Variants in TLN2 observed in about 807,000 individuals in gnomAD.
TLN2 encodes the protein talin 2.
TLN2 carries 118 observed loss-of-function variants against 294.7 expected under a neutral mutation model. The ratio of observed to expected loss-of-function variants is 0.40; its 90% confidence interval spans 0.34 to 0.47. The LOEUF is 0.47. TLN2 is among the 20% of genes least tolerant of loss of function. The pLI is 0.84. For synonymous variants in TLN2, 1,431 were observed against 1,304.5 expected, an observed-to-expected ratio of 1.10 and a Z score of -2.09; for missense variants, 3,083 against 3,282.2, an observed-to-expected ratio of 0.94 and a Z score of 1.48.
At chr15:62,757,751 C>T (rs1163923705) in intron 37 of TLN2, among the ~76,000 whole-genome samples, 1 of 152,122 alleles carries the variant, frequency 6.6e-6, no homozygotes, top group East Asian at 1.9e-4. Context: ...TAAAGGCCTC[C>T]GTCTCCTGGC....
chr15:62,676,470 T>C (rs549524865), intron 11 of TLN2, among the ~76,000 whole-genome samples: 1 of 152,320 alleles, frequency 6.6e-6, no homozygotes, highest in South Asian at 2.1e-4. Context: ...TCAGTGAGTA[T>C]TTAAATGGCA....
At chr15:62,799,927 C>T (rs2065809007) in intron 48 of TLN2, among the ~76,000 whole-genome samples, 1 of 150,916 alleles carries the variant, frequency 6.6e-6, no homozygotes, top group Admixed American at 6.6e-5. Flanking sequence ...GACCTGTGTG[C>T]CTGTAGCAGA....
At chr15:62,696,902 T>C (rs560315820) in intron 14 of TLN2, among the ~76,000 whole-genome samples, 93 of 152,022 alleles carry the variant, frequency 6.1e-4, no homozygotes, top group Non-Finnish European at 1.2e-3. Flanking sequence ...TGTGGGAGAT[T>C]TTCCCCTAGC....
rs2062068738 is a variant in TLN2, at chr15:62,753,759, T to C, written c.4333-14T>C. On this transcript the variant is annotated splice_polypyrimidine_tract_variant and intron_variant, in intron 35 of 58. Transcript: ENST00000636159. ...CACGGAGCCTGAGCTGTGGTTTTTC[T>C]CTTCCCTTTCTAGGCTGCATACTTG... 1.3e-6 allele frequency: 2 copies of C among 1,593,096 alleles called. No homozygotes were observed. Among genetic ancestry groups the C allele is most frequent in the Non-Finnish European group, 1.7e-6 (2 of 1,169,068 alleles).
intron 50 of TLN2, among the ~76,000 whole-genome samples, chr15:62,801,769 G>A (rs545104205): frequency 6.6e-6 from 1 of 152,078 alleles, no homozygotes; most frequent in East Asian, 1.9e-4. Context: ...GCACAGGCTG[G>A]GTGTTTGCTA....
intron 4 of TLN2, among the ~76,000 whole-genome samples, chr15:62,648,737 C>T (rs1215802897): frequency 5.3e-5 from 8 of 151,746 alleles, no homozygotes; most frequent in Non-Finnish European, 7.4e-5. Context: ...TTAGTAGAGA[C>T]GGGGTTTCAC....
chr15:62,784,036 G>A lies in TLN2; in HGVS notation c.5736+146G>A, dbSNP rs998509849. ...TATTTCCCCACCACTGCACAGCACA[G>A]GTCCAGACCAGGTAGCCCCAGGCTG... is the stretch of plus-strand genomic sequence containing the variant. On this transcript the variant is annotated intron_variant, in intron 45 of 58. Transcript: ENST00000636159. The A allele has an allele frequency of 1.4e-5, 20 of 1,386,226 alleles. No homozygotes were observed. In the Admixed American group the frequency reaches 4.1e-4, roughly 28 times the overall value. 85.9% of individuals were successfully genotyped at this position (1,386,226 alleles called of 1,614,324 possible).
chr15:62,511,348 C>G (rs572525750), intron 1 of TLN2, among the ~76,000 whole-genome samples: 1 of 152,342 alleles, frequency 6.6e-6, no homozygotes, highest in African/African-American at 2.4e-5. Context: ...CACCTGTCCT[C>G]AAAACAGCTG....
At chr15:62,558,804 G>T (rs900490921) in intron 1 of TLN2, among the ~76,000 whole-genome samples, 2 of 152,122 alleles carry the variant, frequency 1.3e-5, no homozygotes, top group Non-Finnish European at 2.9e-5. Flanking sequence ...TGTTCACGTA[G>T]TTCCCTCTGG....
chr15:62,514,690 T>G (rs1266992846), intron 1 of TLN2, among the ~76,000 whole-genome samples: 1 of 152,248 alleles, frequency 6.6e-6, no homozygotes, highest in Non-Finnish European at 1.5e-5. Context: ...GTAATTGTAA[T>G]TGAAGTGTTA....
chr15:62,416,116 T>TG (rs1336352214), intron 1 of TLN2, among the ~76,000 whole-genome samples: 2 of 152,010 alleles, frequency 1.3e-5, no homozygotes, highest in African/African-American at 4.8e-5. Flanking sequence ...CAGGGGAACA[T>TG]GGGGAGACCC....
At chr15:62,726,841 G>T (rs1014219153) in intron 27 of TLN2, among the ~76,000 whole-genome samples, 3 of 152,174 alleles carry the variant, frequency 2.0e-5, no homozygotes, top group African/African-American at 4.8e-5. Flanking sequence ...GAGAGGTTCA[G>T]TAATTTACTC....
intron 39 of TLN2, 56 bp from the exon 40 acceptor site, chr15:62,763,507 G>C: frequency 6.4e-7 from 1 of 1,554,046 alleles, no homozygotes; most frequent in South Asian, 1.2e-5. Flanking sequence ...TGCTGGAGCA[G>C]GCTGTGGGAC....
intron 57 of TLN2, among the ~76,000 whole-genome samples, chr15:62,836,772 A>ATAT (rs2141260716): frequency 2.0e-5 from 3 of 152,378 alleles, no homozygotes; most frequent in African/African-American, 7.2e-5. Context: ...CAACATCTTC[A>ATAT]TATAGCAAAC....
intron 1 of TLN2, among the ~76,000 whole-genome samples, chr15:62,428,265 T>C (rs1198013128): frequency 6.6e-6 from 1 of 151,946 alleles, no homozygotes; most frequent in African/African-American, 2.4e-5. Flanking sequence ...TGTTTTGCCA[T>C]GGTGGCCTTA....
chr15:62,835,556 ATCTTTCTTGGCATGG>A, intron 55 of TLN2, 166 bp from the exon 56 acceptor site: 1 of 650,996 alleles, frequency 1.5e-6, no homozygotes, highest in Non-Finnish European at 2.7e-6. Flanking sequence ...GTGCTGTGCA[ATCTTTCTTGGCATGG>A]CCTGAGTCCC....
At chr15:62,751,932 A>G (rs2061961558) in intron 34 of TLN2, among the ~76,000 whole-genome samples, 1 of 152,218 alleles carries the variant, frequency 6.6e-6, no homozygotes, top group Non-Finnish European at 1.5e-5. Context: ...TGGAAGGGTG[A>G]GTATCATGCT....
intron 42 of TLN2, among the ~76,000 whole-genome samples, chr15:62,771,863 A>G (rs912601450): frequency 2.6e-5 from 4 of 152,206 alleles, no homozygotes; most frequent in African/African-American, 9.6e-5. Context: ...AGTAGTGGGG[A>G]GCCATTGGCA....
Position 62,653,236 on chromosome 15 carries a change from C to A in TLN2, c.439C>A (p.Leu147Ile). 6.2e-7 allele frequency: 1 copy of A among 1,613,256 alleles called. No individual in the cohort carries two copies. Among genetic ancestry groups the A allele is most frequent in the South Asian group, 1.1e-5 (1 of 90,656 alleles). The change falls in exon 7 of 59, where the codon CTC (leucine) becomes ATC (isoleucine). Residue 147 changes from leucine to isoleucine, a missense_variant. Coordinates refer to ENST00000636159, the MANE Select transcript of TLN2 (RefSeq NM_015059.3). ...AAAGAAAGAGGAAGGAACGGGCACA[C>A]TCAAAAAAGACAGGACACTGTTACG... ...EEKKEEGTGT[L>I]KKDRTLLRDE...
Sources: gnomAD v4.1 joint callset for allele counts (sites outside exome capture counted in the v4.1 genomes callset) on GRCh38, gnomAD v4.1.1 for gene constraint, MANE v1.5 for transcripts, NCBI Gene and HGNC (gene_info 2026-07-23, HGNC 2026-07-21) for gene names.